Variants in APP observed in about 807,000 individuals in gnomAD.
The protein encoded by APP is amyloid-beta precursor protein.
In APP, 31 loss-of-function variants were observed where a neutral mutation model predicts 101.4. The observed-to-expected ratio is 0.31, with a 90% CI of 0.23 to 0.41. The LOEUF (loss-of-function observed/expected upper bound fraction) is 0.41. APP is among the 10% of genes least tolerant of loss of function. APP has a pLI of 1.00. For synonymous variants in APP, 366 were observed against 364.4 expected, an observed-to-expected ratio of 1.00 and a Z score of -0.05; for missense variants, 839 against 1,003.7, an observed-to-expected ratio of 0.84 and a Z score of 2.22.
chr21:26,094,158 T>C (rs923375251), intron 2 of APP, among the ~76,000 whole-genome samples: 3 of 151,584 alleles, frequency 2.0e-5, no homozygotes, highest in Middle Eastern at 3.4e-3. Context: ...AGCCCATGCA[T>C]AGTTTTTTCC....
At chr21:26,089,803 G>T in intron 3 of APP, 140 bp downstream of exon 3, 1 of 1,304,630 alleles carries the variant, frequency 7.7e-7, no homozygotes, top group Non-Finnish European at 1.1e-6. Flanking sequence ...GTAACTGCAA[G>T]AGTCCAAAAC....
At position 26,133,040 on chromosome 21, in the gene APP, C is replaced by G. The variant is rs147524264; in HGVS notation, c.58-20894G>C. ...ATCCCTGAGCTCAGGAGTTGGAGAC[C>G]AGCCTGGGCAACATGGCAAAACCCC... On this transcript the variant is annotated intron_variant, in intron 1 of 17. Coordinates refer to ENST00000346798, the MANE Select transcript of APP (RefSeq NM_000484.4). Among the ~76,000 whole-genome samples, 1,073 of 152,122 alleles carry G rather than the reference C, an allele frequency of 7.1e-3. 7 individuals carry two copies. The highest frequency in any genetic ancestry group is 0.011 in the Admixed American group (174 of 15,276).
intron 13 of APP, among the ~76,000 whole-genome samples, chr21:25,948,656 T>C (rs567910988): frequency 3.9e-5 from 6 of 152,346 alleles, no homozygotes; most frequent in African/African-American, 1.2e-4. Flanking sequence ...TTGGTTATTA[T>C]AGCATTCTGT....
chr21:25,938,144 A>G lies in APP; in HGVS notation c.1687+16446T>C, dbSNP rs557020300. On this transcript the variant is annotated intron_variant, in intron 13 of 17. Transcript: ENST00000346798. Reference sequence around the variant, plus strand: ...AAGCAGTTTATGCCAATCCCTTTTCATAGCTAATAAGAAGTCTTATCTTGG... The same window carrying G: ...AAGCAGTTTATGCCAATCCCTTTTCGTAGCTAATAAGAAGTCTTATCTTGG... Among the ~76,000 whole-genome samples the G allele has an allele frequency of 2.8e-4, 43 of 152,316 alleles. 1 individual carries two copies. The highest frequency in any genetic ancestry group is 2.5e-3 in the Admixed American group (38 of 15,304).
At position 25,955,729 on chromosome 21, in the gene APP, C is replaced by G. The variant is rs1199965992; in HGVS notation, c.1485G>C (p.Lys495Asn). 2 of 1,614,046 alleles carry G rather than the reference C, an allele frequency of 1.2e-6. No homozygotes were observed. Among genetic ancestry groups the G allele is most frequent in the African/African-American group, 2.7e-5 (2 of 74,926 alleles). The change falls in exon 12 of 18, where the codon AAG becomes AAC. Residue 495 changes from lysine to asparagine, a missense_variant. Transcript: ENST00000346798. ...CCTTCTGTTCTGCGCGGACATACTT[C>G]TTTAGCATATTGAACACGTGACGAG... ...PRPRHVFNML[K>N]KYVRAEQKDR... is the part of the protein sequence containing the mutation.
chr21:25,948,775 C>T (rs913848467), intron 13 of APP, among the ~76,000 whole-genome samples: 2 of 152,122 alleles, frequency 1.3e-5, no homozygotes, highest in African/African-American at 2.4e-5. Flanking sequence ...AGAATAGAAT[C>T]CTTTTAGCAG....
chr21:26,105,124 A>G (rs909739820), intron 2 of APP, among the ~76,000 whole-genome samples: 7 of 151,962 alleles, frequency 4.6e-5, no homozygotes, highest in African/African-American at 1.7e-4. Context: ...ATACCAGAAT[A>G]CCGTGAATTT....
chr21:25,997,200 T>C (rs906314176), intron 8 of APP, 160 bp downstream of exon 8: 11 of 702,104 alleles, frequency 1.6e-5, no homozygotes, highest in Non-Finnish European at 2.8e-5. Flanking sequence ...TCTGGCAAAA[T>C]CAGATGTAAT....
intron 8 of APP, among the ~76,000 whole-genome samples, chr21:25,988,831 C>A (rs1482767989): frequency 7.5e-6 from 1 of 133,308 alleles, no homozygotes; most frequent in Non-Finnish European, 1.6e-5. Flanking sequence ...TTCTCTCACA[C>A]CAAAATGCTG....
At chr21:26,134,000 G>T (rs466609) in intron 1 of APP, among the ~76,000 whole-genome samples, 140,554 of 152,260 alleles carry the variant, frequency 0.92, 65,014 homozygotes, top group East Asian at 1. Flanking sequence ...CATTGACTTC[G>T]CTTATGTTGA....
intron 1 of APP, chr21:26,140,274 G>C: frequency 2.6e-6 from 4 of 1,535,642 alleles, no homozygotes; most frequent in Non-Finnish European, 3.5e-6. Context: ...TCAACAAACT[G>C]TTAACTGCAG....
intron 17 of APP, among the ~76,000 whole-genome samples, chr21:25,883,124 C>T (rs371941225): frequency 8.5e-4 from 130 of 152,264 alleles, no homozygotes; most frequent in Middle Eastern, 6.8e-3. Flanking sequence ...TCAATATGGC[C>T]GGGTGCAGTG....
intron 2 of APP, among the ~76,000 whole-genome samples, chr21:26,103,777 G>A (rs952986752): frequency 2.0e-5 from 3 of 152,196 alleles, no homozygotes; most frequent in Non-Finnish European, 2.9e-5. Flanking sequence ...TTTACCTAAC[G>A]ACGACTAGCG....
intron 6 of APP, among the ~76,000 whole-genome samples, chr21:26,014,110 T>C (rs1011462539): frequency 6.6e-6 from 1 of 152,196 alleles, no homozygotes; most frequent in East Asian, 1.9e-4. Context: ...ATTACCCTTT[T>C]GCCCTGTTCC....
At chr21:25,917,224 G>T (rs1569052897) in intron 13 of APP, among the ~76,000 whole-genome samples, 1 of 142,098 alleles carries the variant, frequency 7.0e-6, no homozygotes, top group Non-Finnish European at 1.5e-5. Context: ...TCATGCCACT[G>T]CACTCCAGCC....
chr21:25,897,950 G>A, intron 15 of APP: 1 of 461,424 alleles, frequency 2.2e-6, no homozygotes, highest in Non-Finnish European at 3.9e-6. Context: ...GGGAAAAGCA[G>A]AAGTTAAATC....
At chr21:26,144,632 G>A (rs1437858700) in intron 1 of APP, among the ~76,000 whole-genome samples, 3 of 152,054 alleles carry the variant, frequency 2.0e-5, no homozygotes, top group Non-Finnish European at 2.9e-5. Context: ...GTCTTATCAT[G>A]GTCAATTCTC....
intron 3 of APP, among the ~76,000 whole-genome samples, chr21:26,064,643 G>A (rs2046390241): frequency 6.6e-6 from 1 of 152,074 alleles, no homozygotes; most frequent in Admixed American, 6.6e-5. Context: ...CAAAAGGCAT[G>A]TGGTCTCTAC....
In APP at chr21:25,887,540, A is replaced by AAAAAAAAAAAC. The variant is rs367900945; in HGVS notation, c.2211+4181_2211+4182insGTTTTTTTTTT. On this transcript the variant is annotated intron_variant, in intron 17 of 17. Transcript: ENST00000346798. ...TTGAAAAAAAAAAAAAAAAAAAAAAACAACAACTAGCAAGTGCTCATTTCC... is the reference window on the plus strand; with the variant it reads ...TTGAAAAAAAAAAAAAAAAAAAAAAAAAAAAAAAAACCAACAACTAGCAAGTGCTCATTTCC... Among the ~76,000 whole-genome samples the AAAAAAAAAAAC allele has an allele frequency of 1.4e-5, 2 of 139,332 alleles. 1 individual carries two copies. The highest frequency in any genetic ancestry group is 3.1e-5 in the Non-Finnish European group (2 of 63,760). 91.4% of individuals were successfully genotyped at this position (139,332 alleles called of 152,430 possible). A position where few individuals can be genotyped will look rare whatever the true frequency, so the allele number is the denominator to read the frequency against.
Sources: gnomAD v4.1 joint callset for allele counts (sites outside exome capture counted in the v4.1 genomes callset) on GRCh38, gnomAD v4.1.1 for gene constraint, MANE v1.5 for transcripts, NCBI Gene and HGNC (gene_info 2026-07-23, HGNC 2026-07-21) for gene names.